The following BMPR1B variants were observed in gnomAD, a reference collection of about 807,000 sequenced individuals.
The protein encoded by BMPR1B is bone morphogenetic protein receptor type-1B.
In BMPR1B, 12 loss-of-function variants were observed where a neutral mutation model predicts 59.1. The ratio of observed to expected loss-of-function variants is 0.20; its 90% CI spans 0.13 to 0.33. The LOEUF (loss-of-function observed/expected upper bound fraction) is 0.33. BMPR1B is among the 10% of genes least tolerant of loss of function. The pLI is 1.00. For missense variants in BMPR1B, 550 were observed against 610.9 expected (o/e 0.90, Z 1.05); for synonymous variants, 237 against 207.3 (o/e 1.14, Z -1.23).
Position 94,844,197 on chromosome 4 carries a change from T to C in BMPR1B, c.-182-31634T>C, listed in dbSNP as rs142402587. Among the ~76,000 whole-genome samples, 17 of 152,128 alleles carry C rather than the reference T, an allele frequency of 1.1e-4. No homozygotes were observed. The East Asian group carries it at 3.3e-3, about 29-fold the overall frequency. ...AAAAAAAGGTTAAAAAAGAAACTAA[T>C]GTAGCCATTCTATTCTGAATCATCT... On this transcript the variant is annotated intron_variant, in intron 1 of 12. Transcript: ENST00000515059.
At chr4:95,055,170 C>G (rs1461048929) in intron 3 of BMPR1B, among the ~76,000 whole-genome samples, 1 of 152,100 alleles carries the variant, frequency 6.6e-6, no homozygotes, top group Non-Finnish European at 1.5e-5. Context: ...TTTATATAAC[C>G]TGGATTTTAT....
chr4:94,830,509 A>G (rs1029205422), intron 1 of BMPR1B, among the ~76,000 whole-genome samples: 4 of 152,152 alleles, frequency 2.6e-5, no homozygotes, highest in African/African-American at 9.7e-5. Flanking sequence ...ATAATTTTAG[A>G]TTGTTCCTCT....
chr4:95,121,302 T>A (rs185815929), intron 6 of BMPR1B, among the ~76,000 whole-genome samples: 1 of 152,330 alleles, frequency 6.6e-6, no homozygotes, highest in East Asian at 1.9e-4. Context: ...AAAAACATCC[T>A]ATGCTCATGG....
At chr4:95,060,067 C>A (rs762912402) in intron 3 of BMPR1B, among the ~76,000 whole-genome samples, 9 of 152,152 alleles carry the variant, frequency 5.9e-5, no homozygotes, top group Non-Finnish European at 8.8e-5. Context: ...TTCAGAAACA[C>A]GGAGTCTGCA....
At chr4:94,921,864 T>C (rs1728701904) in intron 2 of BMPR1B, among the ~76,000 whole-genome samples, 1 of 152,220 alleles carries the variant, frequency 6.6e-6, no homozygotes, top group African/African-American at 2.4e-5. Context: ...GTCCTTTTTT[T>C]GTAATCTAAA....
intron 1 of BMPR1B, among the ~76,000 whole-genome samples, chr4:94,858,891 A>G (rs79364935): frequency 1.2e-3 from 177 of 152,242 alleles, no homozygotes; most frequent in African/African-American, 3.8e-3. Context: ...AAATTCTTCT[A>G]ATTATTCACA....
intron 2 of BMPR1B, among the ~76,000 whole-genome samples, chr4:94,902,892 A>G (rs773296344): frequency 6.6e-6 from 1 of 151,982 alleles, no homozygotes; most frequent in Non-Finnish European, 1.5e-5. Flanking sequence ...GTCTCTGCAG[A>G]CTACTGAATT....
intron 3 of BMPR1B, among the ~76,000 whole-genome samples, chr4:95,096,893 A>G (rs1436485500): frequency 1.4e-5 from 2 of 141,866 alleles, no homozygotes; most frequent in Non-Finnish European, 3.0e-5. Context: ...TAATTTAAAC[A>G]TATATATTCA....
At chr4:95,068,691 A>G (rs764942311) in intron 3 of BMPR1B, among the ~76,000 whole-genome samples, 6 of 152,108 alleles carry the variant, frequency 3.9e-5, no homozygotes, top group Non-Finnish European at 5.9e-5. Context: ...TGTTTCCTTT[A>G]GTGAGATTGA....
At chr4:94,961,437 C>T (rs1029654415) in intron 2 of BMPR1B, among the ~76,000 whole-genome samples, 4 of 152,122 alleles carry the variant, frequency 2.6e-5, no homozygotes, top group Non-Finnish European at 5.9e-5. Flanking sequence ...TTTCATTTGT[C>T]TTTCTTTGAA....
At chr4:95,096,528 C>T (rs1340687727) in intron 3 of BMPR1B, among the ~76,000 whole-genome samples, 1 of 150,444 alleles carries the variant, frequency 6.6e-6, no homozygotes, top group African/African-American at 2.4e-5. Context: ...ATAATTTAGT[C>T]GTGATTCAGT....
At chr4:94,815,802 C>T (rs749137121) in intron 1 of BMPR1B, among the ~76,000 whole-genome samples, 14 of 152,172 alleles carry the variant, frequency 9.2e-5, no homozygotes, top group South Asian at 4.1e-4. Flanking sequence ...AATGGCATAG[C>T]GTCTGACATT....
chr4:94,856,822 C>T (rs1339413298), intron 1 of BMPR1B, among the ~76,000 whole-genome samples: 2 of 152,122 alleles, frequency 1.3e-5, no homozygotes, highest in Non-Finnish European at 2.9e-5. Context: ...CCTGAAGATG[C>T]AAGAGGAAAG....
intron 11 of BMPR1B, 64 bp downstream of exon 11, chr4:95,148,987 T>A (rs1734844804): frequency 6.3e-7 from 1 of 1,588,204 alleles, no homozygotes. Flanking sequence ...TTCTTTCTGA[T>A]CAGAAATCAA....
At chr4:94,852,339 A>AAT (rs1027996682) in intron 1 of BMPR1B, among the ~76,000 whole-genome samples, 11 of 152,160 alleles carry the variant, frequency 7.2e-5, no homozygotes, top group African/African-American at 1.9e-4. Flanking sequence ...GATAGGAAAA[A>AAT]ATATATGTAT....
chr4:94,985,522 T>TGTGC (rs1721345041), intron 2 of BMPR1B, among the ~76,000 whole-genome samples: 1 of 41,552 alleles, frequency 2.4e-5, no homozygotes, highest in African/African-American at 5.5e-5. Flanking sequence ...TGTGTGTGTG[T>TGTGC]GTGTGTGTGT....
chr4:94,878,981 A>G (rs1043861689), intron 2 of BMPR1B, among the ~76,000 whole-genome samples: 1 of 151,948 alleles, frequency 6.6e-6, no homozygotes, highest in African/African-American at 2.4e-5. Context: ...TTGCATATTC[A>G]GGCAGGTTTA....
Position 95,053,356 on chromosome 4 carries a change from C to T in BMPR1B, c.-17-51052C>T, listed in dbSNP as rs571207756. ...TGTACTTAATTTATCTTATATCATACTATCATAGTGGCTAAGAGTACAAAT... is the reference window on the plus strand; with the variant it reads ...TGTACTTAATTTATCTTATATCATATTATCATAGTGGCTAAGAGTACAAAT... On this transcript the variant is annotated intron_variant, in intron 3 of 12. Transcript: ENST00000515059. Among the ~76,000 whole-genome samples, 3 of 144,730 alleles carry T rather than the reference C, an allele frequency of 2.1e-5. No individual in the cohort carries two copies. The South Asian group carries it at 6.8e-4, about 33-fold the overall frequency. The allele number at this position is 144,730 out of a possible 152,430, so 94.9% of individuals were successfully genotyped here.
intron 10 of BMPR1B, among the ~76,000 whole-genome samples, chr4:95,140,106 A>G (rs1213238588): frequency 6.6e-6 from 1 of 152,106 alleles, no homozygotes; most frequent in Non-Finnish European, 1.5e-5. Context: ...TATGTCTTCT[A>G]ATGTAACTCT....
Sources: allele counts gnomAD v4.1 joint callset (sites outside exome capture counted in the v4.1 genomes callset), GRCh38; gene constraint gnomAD v4.1.1; transcripts MANE v1.5; gene names NCBI Gene and HGNC (gene_info 2026-07-23, HGNC 2026-07-21).